The following ECE1 variants were observed in gnomAD, a reference collection of about 807,000 sequenced individuals.
ECE1 encodes endothelin converting enzyme 1, also known as endothelin-converting enzyme 1.
In ECE1, 35 loss-of-function variants were observed where a neutral mutation model predicts 98.6. That is an observed-to-expected ratio of 0.35 (90% CI 0.27 to 0.47). The LOEUF is 0.47. Among genes scored for constraint, ECE1 ranks in the 20% least tolerant of loss-of-function variants. The probability of loss-of-function intolerance (pLI) is 1.00; values close to 1 mark genes in which losing one functional copy is unlikely to be tolerated. For synonymous variants in ECE1, 394 were observed against 407.1 expected, an observed-to-expected ratio of 0.97 and a Z score of 0.39; for missense variants, 814 against 1,025.3, an observed-to-expected ratio of 0.79 and a Z score of 2.81.
chr1:21,257,642 C>CA, intron 6 of ECE1, 52 bp from the exon 7 acceptor site: 1 of 1,584,280 alleles, frequency 6.3e-7, no homozygotes, highest in East Asian at 2.2e-5. Flanking sequence ...TGCGTGTATC[C>CA]ACTGCACGGC....
chr1:21,342,036 G>A (rs186808210), intron 1 of ECE1, among the ~76,000 whole-genome samples: 128 of 152,252 alleles, frequency 8.4e-4, no homozygotes, highest in African/African-American at 2.8e-3. Context: ...TTGTAGGAAA[G>A]GGGGCACAGA....
chr1:21,280,831 T>C (rs1394255236), intron 2 of ECE1, among the ~76,000 whole-genome samples: 2 of 152,044 alleles, frequency 1.3e-5, no homozygotes, highest in Non-Finnish European at 2.9e-5. Context: ...TGACTGGGAA[T>C]TGCTGCACCA....
chr1:21,309,142 G>C (rs1364902764), intron 1 of ECE1, among the ~76,000 whole-genome samples: 1 of 152,216 alleles, frequency 6.6e-6, no homozygotes, highest in Non-Finnish European at 1.5e-5. Flanking sequence ...TGGGGTTCCA[G>C]AGTTCTAGGG....
chr1:21,304,075 G>A (rs555852759), intron 1 of ECE1, among the ~76,000 whole-genome samples: 6 of 151,012 alleles, frequency 4.0e-5, no homozygotes, highest in African/African-American at 1.5e-4. Flanking sequence ...CAGCACTCTG[G>A]GAGGCTGAGG....
chr1:21,276,972 C>T (rs1267972293), intron 3 of ECE1, among the ~76,000 whole-genome samples: 3 of 152,182 alleles, frequency 2.0e-5, no homozygotes, highest in Non-Finnish European at 4.4e-5. Context: ...TCCATCTCGG[C>T]CTCCCAAAGT....
At chr1:21,271,614 G>C (rs998076227) in intron 4 of ECE1, among the ~76,000 whole-genome samples, 2 of 152,148 alleles carry the variant, frequency 1.3e-5, no homozygotes, top group African/African-American at 4.8e-5. Context: ...CCCAGCTGTG[G>C]GAGGGTTAAG....
chr1:21,344,936 C>A (rs952431771), intron 1 of ECE1: 2 of 154,120 alleles, frequency 1.3e-5, no homozygotes, highest in Non-Finnish European at 2.9e-5. Context: ...CCCAGACCGA[C>A]CTCAGTGTCC....
chr1:21,326,189 AC>A (rs1639075599), intron 1 of ECE1, among the ~76,000 whole-genome samples: 1 of 151,884 alleles, frequency 6.6e-6, no homozygotes, highest in Non-Finnish European at 1.5e-5. Flanking sequence ...GCCACACAGC[AC>A]GAGCTCCCTG....
At chr1:21,266,766 G>T (rs765066200) in intron 4 of ECE1, 1 of 152,150 alleles carries the variant, frequency 6.6e-6, no homozygotes, top group Non-Finnish European at 1.5e-5. Context: ...TAAGAGGTTG[G>T]GTAACTCGTC....
intron 1 of ECE1, among the ~76,000 whole-genome samples, chr1:21,335,500 T>C (rs890037525): frequency 3.9e-5 from 6 of 152,082 alleles, no homozygotes; most frequent in African/African-American, 7.2e-5. Flanking sequence ...GAGAGGTGGA[T>C]TGAGCCGCCC....
chr1:21,341,395 T>C (rs1200169355), intron 1 of ECE1, among the ~76,000 whole-genome samples: 1 of 152,200 alleles, frequency 6.6e-6, no homozygotes, highest in Non-Finnish European at 1.5e-5. Context: ...AGAAAAAAAT[T>C]GAGCAGAAGC....
At chr1:21,318,374 G>A (rs1273622664) in intron 1 of ECE1, among the ~76,000 whole-genome samples, 1 of 152,034 alleles carries the variant, frequency 6.6e-6, no homozygotes, top group African/African-American at 2.4e-5. Context: ...AGGTCATGAC[G>A]CAGTTGGGGA....
chr1:21,341,781 A>C (rs576557311), intron 1 of ECE1, among the ~76,000 whole-genome samples: 1 of 151,320 alleles, frequency 6.6e-6, no homozygotes, highest in Non-Finnish European at 1.5e-5. Flanking sequence ...TTAGTCTCCT[A>C]TCTTCAAACA....
chr1:21,311,244 C>A (rs1363454788), intron 1 of ECE1, among the ~76,000 whole-genome samples: 1 of 152,160 alleles, frequency 6.6e-6, no homozygotes, highest in Non-Finnish European at 1.5e-5. Flanking sequence ...GGGTCACACC[C>A]CCAGTGCCTC....
chr1:21,268,410 G>T (rs1351612351), intron 4 of ECE1, among the ~76,000 whole-genome samples: 3 of 152,214 alleles, frequency 2.0e-5, no homozygotes, highest in Non-Finnish European at 4.4e-5. Context: ...TGCAGCTGAG[G>T]TCAGCATCCC....
chr1:21,238,782 G>A (rs1458825453), intron 10 of ECE1, among the ~76,000 whole-genome samples: 1 of 152,088 alleles, frequency 6.6e-6, no homozygotes, highest in Non-Finnish European at 1.5e-5. Context: ...CTCCTCAAAT[G>A]AGAACACCAC....
intron 10 of ECE1, among the ~76,000 whole-genome samples, chr1:21,238,526 TG>T (rs1390681379): frequency 6.6e-6 from 1 of 152,202 alleles, no homozygotes; most frequent in African/African-American, 2.4e-5. Flanking sequence ...GCCGTTTGAC[TG>T]ATGGGGAAAC....
At chr1:21,245,224 C>T in intron 9 of ECE1, 121 bp from the exon 10 acceptor site, 1 of 806,250 alleles carries the variant, frequency 1.2e-6, no homozygotes, top group Non-Finnish European at 2.1e-6. Context: ...CCCTTCCAGC[C>T]TGCGGGGGCT....
At chr1:21,238,280 A>G in intron 10 of ECE1, 36 bp from the exon 11 acceptor site, 1 of 1,539,392 alleles carries the variant, frequency 6.5e-7, no homozygotes, top group Non-Finnish European at 8.9e-7. Context: ...GCTGGGCCCC[A>G]GCCCTTTGTT....
Sources: gnomAD v4.1 joint callset for allele counts (sites outside exome capture counted in the v4.1 genomes callset) on GRCh38, gnomAD v4.1.1 for gene constraint, MANE v1.5 for transcripts, NCBI Gene and HGNC (gene_info 2026-07-23, HGNC 2026-07-21) for gene names.